The following RNGTT variants were observed in gnomAD, a reference collection of about 807,000 sequenced individuals.
RNGTT encodes the protein RNA guanylyltransferase and 5'-phosphatase.
A neutral mutation model predicts 79.3 loss-of-function variants in RNGTT; 33 were observed. The observed-to-expected ratio is 0.42, with a 90% CI of 0.32 to 0.56. The LOEUF is 0.56. Among genes scored for constraint, RNGTT ranks in the 20% least tolerant of loss-of-function variants. The pLI, the probability that RNGTT is intolerant of heterozygous loss-of-function variation, is 0.17. For synonymous variants in RNGTT, 222 were observed against 235.9 expected, an observed-to-expected ratio of 0.94 and a Z score of 0.54; for missense variants, 497 against 739.1, an observed-to-expected ratio of 0.67 and a Z score of 3.80.
At chr6:88,632,506 G>T (rs1772930064) in intron 14 of RNGTT, among the ~76,000 whole-genome samples, 1 of 149,476 alleles carries the variant, frequency 6.7e-6, no homozygotes, top group Non-Finnish European at 1.5e-5. Context: ...AAGAAAAACA[G>T]TTTATATAGC....
intron 1 of RNGTT, among the ~76,000 whole-genome samples, chr6:88,962,116 T>G (rs1363159265): frequency 2.0e-5 from 3 of 152,022 alleles, no homozygotes; most frequent in African/African-American, 7.3e-5. Flanking sequence ...TTCTAGAAAA[T>G]GCAAACCAAT....
At chr6:88,758,390 T>C (rs1778092340) in intron 13 of RNGTT, among the ~76,000 whole-genome samples, 1 of 152,214 alleles carries the variant, frequency 6.6e-6, no homozygotes, top group Non-Finnish European at 1.5e-5. Flanking sequence ...AAGAAGGGGA[T>C]AGTCAAGTAC....
chr6:88,924,076 C>T (rs1351617455), intron 4 of RNGTT, among the ~76,000 whole-genome samples: 1 of 152,152 alleles, frequency 6.6e-6, no homozygotes, highest in Non-Finnish European at 1.5e-5. Flanking sequence ...GGGGCTCCAT[C>T]CAGGATAGTG....
intron 13 of RNGTT, among the ~76,000 whole-genome samples, chr6:88,748,267 A>T (rs1173475454): frequency 6.6e-6 from 1 of 152,134 alleles, no homozygotes; most frequent in Non-Finnish European, 1.5e-5. Flanking sequence ...CCCTAACAGT[A>T]GCCATAAGAT....
intron 4 of RNGTT, among the ~76,000 whole-genome samples, chr6:88,910,689 A>T (rs2127945582): frequency 6.6e-6 from 1 of 152,346 alleles, no homozygotes; most frequent in Admixed American, 6.5e-5. Flanking sequence ...AGGCAGAGTC[A>T]TCAGACTTTC....
intron 8 of RNGTT, among the ~76,000 whole-genome samples, chr6:88,882,556 T>C (rs1782723286): frequency 6.6e-6 from 1 of 152,174 alleles, no homozygotes; most frequent in Admixed American, 6.5e-5. Flanking sequence ...TTAAATAAAA[T>C]TTAAAAATTC....
rs1016422169 is a variant in RNGTT, at chr6:88,612,068, C to G, written c.*651G>C. 6.6e-6 allele frequency: 1 copy of G among 152,476 alleles called. No homozygotes were observed. Among genetic ancestry groups the G allele is most frequent in the Non-Finnish European group, 1.5e-5 (1 of 68,040 alleles). The allele number at this position is 152,476 out of a possible 1,614,324, so 9.4% of individuals were successfully genotyped here. Reference sequence around the variant, plus strand: ...GAAACAATACAAACAGATGAAAATACTCAAAATACTTCCTTTAGAAACAAT... The same window carrying G: ...GAAACAATACAAACAGATGAAAATAGTCAAAATACTTCCTTTAGAAACAAT... On this transcript the variant is annotated 3_prime_UTR_variant, in exon 16 of 16. Coordinates refer to ENST00000369485, the MANE Select transcript of RNGTT (RefSeq NM_003800.5).
intron 14 of RNGTT, among the ~76,000 whole-genome samples, chr6:88,662,848 T>C (rs1050615201): frequency 6.6e-6 from 1 of 152,200 alleles, no homozygotes; most frequent in Non-Finnish European, 1.5e-5. Flanking sequence ...AGTCTGGACA[T>C]CTGGAACATG....
intron 13 of RNGTT, among the ~76,000 whole-genome samples, chr6:88,764,580 T>C (rs1279985939): frequency 6.6e-6 from 1 of 152,248 alleles, no homozygotes; most frequent in African/African-American, 2.4e-5. Context: ...ATTGTAATGA[T>C]GCTTCAATAA....
chr6:88,656,842 C>A (rs1054612216), intron 14 of RNGTT, among the ~76,000 whole-genome samples: 1 of 151,296 alleles, frequency 6.6e-6, no homozygotes, highest in Admixed American at 6.6e-5. Flanking sequence ...GTAATCCCAA[C>A]ACTTTGGGAG....
In RNGTT at chr6:88,622,088, T is replaced by C. The variant is rs1051312774; in HGVS notation, c.1507-7693A>G. On this transcript the variant is annotated intron_variant, in intron 14 of 15. Transcript: ENST00000369485. The stretch of plus-strand genomic sequence containing the variant: ...CTTGCTCAGCTCCTCAGAACACTTA[T>C]TCTATTTTATGGAATACAGTGTTGC... Among the ~76,000 whole-genome samples, 7 of 152,184 alleles carry C rather than the reference T, an allele frequency of 4.6e-5. No homozygotes were observed. In the East Asian group the frequency reaches 1.3e-3, roughly 29 times the overall value.
rs541214596 is a variant in RNGTT at position 88,632,181 on chromosome 6, C to G, written c.1507-17786G>C. On this transcript the variant is annotated intron_variant, in intron 14 of 15. Transcript: ENST00000369485. ...TTCACCATGTTGCCCAGGCTGGTCT[C>G]AAACACCCGGGCTGAAGCAACCCAT... Among the ~76,000 whole-genome samples the G allele has an allele frequency of 2.0e-5, 3 of 152,228 alleles. No individual in the cohort carries two copies. In the South Asian group the frequency reaches 6.2e-4, roughly 32 times the overall value.
At chr6:88,889,396 C>T (rs1215898492) in intron 8 of RNGTT, among the ~76,000 whole-genome samples, 5 of 152,074 alleles carry the variant, frequency 3.3e-5, no homozygotes, top group African/African-American at 1.2e-4. Flanking sequence ...GTTGTATCTG[C>T]TCCACTTCTT....
intron 11 of RNGTT, among the ~76,000 whole-genome samples, chr6:88,809,628 G>A (rs990031956): frequency 6.6e-6 from 1 of 152,000 alleles, no homozygotes; most frequent in African/African-American, 2.4e-5. Context: ...AATAAAAGAA[G>A]AAATTAAAAG....
chr6:88,617,374 G>A (rs1437966207), intron 14 of RNGTT, among the ~76,000 whole-genome samples: 3 of 152,162 alleles, frequency 2.0e-5, no homozygotes, highest in Non-Finnish European at 4.4e-5. Context: ...GTGTAAGGTA[G>A]GGGTTCAACT....
chr6:88,935,864 G>C (rs1039016030), intron 2 of RNGTT, among the ~76,000 whole-genome samples: 1 of 152,088 alleles, frequency 6.6e-6, no homozygotes, highest in African/African-American at 2.4e-5. Context: ...TTCTTTCTCA[G>C]CTAGTTCAGT....
intron 14 of RNGTT, among the ~76,000 whole-genome samples, chr6:88,616,864 C>G (rs547535307): frequency 6.6e-6 from 1 of 152,246 alleles, no homozygotes; most frequent in African/African-American, 2.4e-5. Context: ...CTGATTGATT[C>G]CTTTGATGTA....
At position 88,823,712 on chromosome 6, in the gene RNGTT, TAG is replaced by T. The variant is rs1780568502; in HGVS notation, c.1269+20643_1269+20644del. 2.0e-5 allele frequency among the ~76,000 whole-genome samples: 3 copies of T among 152,310 alleles called. No homozygotes were observed. In the South Asian group the frequency reaches 6.2e-4, roughly 32 times the overall value. On this transcript the variant is annotated intron_variant, in intron 11 of 15. Coordinates refer to ENST00000369485, the MANE Select transcript of RNGTT (RefSeq NM_003800.5). ...GTGTTAGAGCTGGTACAGGAAAATA[TAG>T]ACTCTAGGCCTTCATGGGTGTTCAC...
chr6:88,764,061 G>A (rs1399616816), intron 13 of RNGTT, among the ~76,000 whole-genome samples: 3 of 152,150 alleles, frequency 2.0e-5, no homozygotes, highest in Non-Finnish European at 4.4e-5. Flanking sequence ...TGGCAAGAAT[G>A]ACAGCTGGGC....
Sources: allele counts gnomAD v4.1 joint callset (sites outside exome capture counted in the v4.1 genomes callset), GRCh38; gene constraint gnomAD v4.1.1; transcripts MANE v1.5; gene names NCBI Gene and HGNC (gene_info 2026-07-23, HGNC 2026-07-21).